MINAR2: variants seen among roughly 807,000 people sequenced by gnomAD.
The protein encoded by MINAR2 is major intrinsically disordered NOTCH2-binding receptor 1-like.
Under a neutral mutation model 16.1 loss-of-function variants are expected in MINAR2, and 21 were observed. That is an observed-to-expected ratio of 1.31 (90% CI 0.93 to 1.88). MINAR2 has a LOEUF of 1.88. Ranked by LOEUF, MINAR2 falls within the 40% of genes most tolerant of loss-of-function variation. The pLI, the probability that MINAR2 is intolerant of heterozygous loss-of-function variation, is 0.00. For synonymous variants in MINAR2, 86 were observed against 83.0 expected (o/e 1.04, Z -0.20); for missense variants, 259 against 229.8 (o/e 1.13, Z -0.82).
Position 129,760,377 on chromosome 5 carries a change from G to C in MINAR2, c.166-1G>C. ...AGATGCCTTGTTTCTTTGCCTCTTA[G>C]AGGGAAAAGAAGAATATTGCTGCTC... On this transcript the variant is annotated splice_acceptor_variant, in intron 1 of 2. Coordinates refer to ENST00000564719, the MANE Select transcript of MINAR2 (RefSeq NM_001257308.2). LOFTEE classifies it high-confidence loss of function. 6.5e-7 allele frequency: 1 copy of C among 1,534,640 alleles called. No homozygotes were observed. Among genetic ancestry groups the C allele is most frequent in the Non-Finnish European group, 8.7e-7 (1 of 1,145,794 alleles).
Position 129,765,050 on chromosome 5 carries a change from CT to C in MINAR2, c.566del (p.Phe189SerfsTer23). 3.1e-6 allele frequency: 4 copies of C among 1,291,314 alleles called. No homozygotes were observed. Among genetic ancestry groups the C allele is most frequent in the Non-Finnish European group, 3.9e-6 (4 of 1,016,540 alleles). The allele number at this position is 1,291,314 out of a possible 1,614,324, so 80.0% of individuals were successfully genotyped here. A position where few individuals can be genotyped will look rare whatever the true frequency, so the allele number is the denominator to read the frequency against. On this transcript the variant is annotated frameshift_variant, in exon 3 of 3. Coordinates refer to ENST00000564719, the MANE Select transcript of MINAR2 (RefSeq NM_001257308.2). LOFTEE classifies it high-confidence loss of function. ...TTGGTTACCATAGTGACTATCATTA[CT>C]TTTTTCACCTGAGGAAACTGCAACA... The part of the protein sequence containing the change: ...SILVTIVTII[T>X]FFT
At chr5:129,753,896 A>G (rs554565241) in intron 1 of MINAR2, among the ~76,000 whole-genome samples, 1 of 152,308 alleles carries the variant, frequency 6.6e-6, no homozygotes, top group Non-Finnish European at 1.5e-5. Context: ...TCTCCTTTCT[A>G]AGCTTATATT....
intron 2 of MINAR2, among the ~76,000 whole-genome samples, chr5:129,761,527 T>G (rs1187466353): frequency 6.6e-6 from 1 of 152,170 alleles, no homozygotes; most frequent in Non-Finnish European, 1.5e-5. Context: ...CTGTCCAGAA[T>G]CTTTGAAGTT....
rs1320295695 is a variant in MINAR2 at position 129,766,565 on chromosome 5, AG to A, written c.*1504del. On this transcript the variant is annotated 3_prime_UTR_variant, in exon 3 of 3. Coordinates refer to ENST00000564719, the MANE Select transcript of MINAR2 (RefSeq NM_001257308.2). ...GGCAGGAGAATCTCTCGAACCCTGGAGGCAGAGGTTGCAGTGAGCCGAGATT... is the reference window on the plus strand; with the variant it reads ...GGCAGGAGAATCTCTCGAACCCTGGAGCAGAGGTTGCAGTGAGCCGAGATT... 1 of 146,112 alleles carries A rather than the reference AG, an allele frequency of 6.8e-6. No homozygotes were observed. The highest frequency in any genetic ancestry group is 2.1e-4 in the East Asian group (1 of 4,708). The allele number at this position is 146,112 out of a possible 1,614,324, so 9.1% of individuals were successfully genotyped here.
At chr5:129,761,816 G>A (rs866602877) in intron 2 of MINAR2, among the ~76,000 whole-genome samples, 5 of 152,206 alleles carry the variant, frequency 3.3e-5, no homozygotes, top group Middle Eastern at 3.4e-3. Context: ...GAACTATGGA[G>A]GTGAATGTTC....
intron 1 of MINAR2, among the ~76,000 whole-genome samples, chr5:129,757,112 C>T (rs1234981775): frequency 2.0e-5 from 3 of 149,212 alleles, no homozygotes; most frequent in Non-Finnish European, 4.4e-5. Flanking sequence ...TCATCTTCTG[C>T]TATATAGAGC....
At chr5:129,754,562 T>C (rs1367539351) in intron 1 of MINAR2, among the ~76,000 whole-genome samples, 1 of 152,212 alleles carries the variant, frequency 6.6e-6, no homozygotes, top group Non-Finnish European at 1.5e-5. Context: ...TTTTCAGTTC[T>C]TCATATGGCC....
At position 129,753,254 on chromosome 5, in the gene MINAR2, C is replaced by T. The variant is rs184753399; in HGVS notation, c.165+4899C>T. Reference sequence around the variant, plus strand: ...ATTCCAGCACTTTGGGAGGCTGAGGCGGGCAGATCACTTGAGGCCAGGAGT... The same window carrying T: ...ATTCCAGCACTTTGGGAGGCTGAGGTGGGCAGATCACTTGAGGCCAGGAGT... On this transcript the variant is annotated intron_variant, in intron 1 of 2. Coordinates refer to ENST00000564719, the MANE Select transcript of MINAR2 (RefSeq NM_001257308.2). Among the ~76,000 whole-genome samples the T allele has an allele frequency of 5.2e-4, 79 of 152,048 alleles. No individual in the cohort carries two copies. In the East Asian group the frequency reaches 0.011, roughly 21 times the overall value.
chr5:129,759,080 C>A (rs1319894905), intron 1 of MINAR2, among the ~76,000 whole-genome samples: 3 of 151,880 alleles, frequency 2.0e-5, no homozygotes, highest in Non-Finnish European at 4.4e-5. Context: ...CTAGCCATTT[C>A]AGAAGGAAAC....
At chr5:129,764,357 T>G (rs1448293901) in intron 2 of MINAR2, among the ~76,000 whole-genome samples, 1 of 152,214 alleles carries the variant, frequency 6.6e-6, no homozygotes, top group Non-Finnish European at 1.5e-5. Flanking sequence ...AAGAGACTCC[T>G]GACTTTTAGC....
chr5:129,759,180 A>C (rs1308132215), intron 1 of MINAR2, among the ~76,000 whole-genome samples: 2 of 152,124 alleles, frequency 1.3e-5, no homozygotes, highest in Non-Finnish European at 2.9e-5. Flanking sequence ...CAGAGTATTG[A>C]TAATCATAAA....
intron 2 of MINAR2, among the ~76,000 whole-genome samples, chr5:129,762,044 A>G (rs886430013): frequency 2.0e-5 from 3 of 152,156 alleles, no homozygotes; most frequent in Non-Finnish European, 4.4e-5. Flanking sequence ...GGAGAACATC[A>G]GGACAAATAC....
At chr5:129,762,593 CCAG>C in intron 2 of MINAR2, 1 of 336,768 alleles carries the variant, frequency 3.0e-6, no homozygotes, top group Non-Finnish European at 6.0e-6. Flanking sequence ...ATCACCATTG[CCAG>C]CAGCAGCACA....
At chr5:129,749,460 T>C (rs1365031441) in intron 1 of MINAR2, among the ~76,000 whole-genome samples, 4 of 152,166 alleles carry the variant, frequency 2.6e-5, no homozygotes, top group African/African-American at 9.7e-5. Context: ...AGGCAGCCTA[T>C]TATGACAACT....
chr5:129,753,099 T>G (rs946617997), intron 1 of MINAR2, among the ~76,000 whole-genome samples: 8 of 152,156 alleles, frequency 5.3e-5, no homozygotes, highest in African/African-American at 7.2e-5. Flanking sequence ...GGTTTTTTTT[T>G]GTGTATAATT....
At position 129,760,418 on chromosome 5, in the gene MINAR2, C is replaced by A; in HGVS notation, c.206C>A (p.Ser69Tyr). ...KNIAAQRIRG[S>Y]SADSLVTADS... is the part of the protein sequence containing the mutation. ...ATTGCTGCTCAACGAATTAGGGGAT[C>A]CAGTGCAGACAGCCTTGTCACTGCT... Residue 69 changes from serine (S) to tyrosine (Y), a missense_variant, in exon 2 of 3, where the codon TCC becomes TAC. By Grantham distance (144) the Ser-to-Tyr change is moderately radical. Coordinates refer to ENST00000564719, the MANE Select transcript of MINAR2 (RefSeq NM_001257308.2). 1 of 1,535,696 alleles carries A rather than the reference C, an allele frequency of 6.5e-7. No homozygotes were observed. Among genetic ancestry groups the A allele is most frequent in the East Asian group, 2.4e-5 (1 of 40,908 alleles).
chr5:129,749,400 T>C (rs1476908548), intron 1 of MINAR2, among the ~76,000 whole-genome samples: 1 of 152,172 alleles, frequency 6.6e-6, no homozygotes, highest in Admixed American at 6.5e-5. Flanking sequence ...CTCAAATGAT[T>C]ATGTAAGTGT....
intron 1 of MINAR2, among the ~76,000 whole-genome samples, chr5:129,749,444 A>G (rs1337815247): frequency 4.6e-5 from 7 of 152,114 alleles, no homozygotes; most frequent in Admixed American, 4.6e-4. Context: ...ATTTATTTCC[A>G]TTGTAAGGCA....
intron 1 of MINAR2, among the ~76,000 whole-genome samples, chr5:129,754,895 C>T (rs1003751840): frequency 6.6e-6 from 1 of 152,058 alleles, no homozygotes; most frequent in African/African-American, 2.4e-5. Flanking sequence ...ATTATATGGA[C>T]ATTGTGATTA....
Sources: gnomAD v4.1 joint callset for allele counts (sites outside exome capture counted in the v4.1 genomes callset) on GRCh38, gnomAD v4.1.1 for gene constraint, MANE v1.5 for transcripts, NCBI Gene and HGNC (gene_info 2026-07-23, HGNC 2026-07-21) for gene names.